RAP1GAP2: variants seen among roughly 807,000 people sequenced by gnomAD.
RAP1GAP2 encodes rap1 GTPase-activating protein 2.
A neutral mutation model predicts 95.0 loss-of-function variants in RAP1GAP2; 27 were observed. The observed-to-expected ratio is 0.28, with a 90% CI of 0.21 to 0.39. The LOEUF (loss-of-function observed/expected upper bound fraction) is 0.39, where lower values mean the gene tolerates loss of function less well. Among genes scored for constraint, RAP1GAP2 ranks in the 10% least tolerant of loss-of-function variants. The pLI, the probability that RAP1GAP2 is intolerant of heterozygous loss-of-function variation, is 1.00. For missense variants in RAP1GAP2, 771 were observed against 970.0 expected (o/e 0.79, Z 2.72); for synonymous variants, 373 against 380.9 (o/e 0.98, Z 0.24).
chr17:2,884,742 C>T (rs1330259703), intron 2 of RAP1GAP2, among the ~76,000 whole-genome samples: 1 of 152,144 alleles, frequency 6.6e-6, no homozygotes, highest in Non-Finnish European at 1.5e-5. Flanking sequence ...AGTCATTCAG[C>T]CTTTCCCAAG....
chr17:2,856,283 A>G (rs2072132037), intron 2 of RAP1GAP2, among the ~76,000 whole-genome samples: 1 of 152,122 alleles, frequency 6.6e-6, no homozygotes, highest in Non-Finnish European at 1.5e-5. Context: ...GGTGGAGAGG[A>G]AAAGCCCCCT....
intron 2 of RAP1GAP2, among the ~76,000 whole-genome samples, chr17:2,881,729 C>A (rs969807298): frequency 4.6e-5 from 7 of 152,130 alleles, no homozygotes; most frequent in Admixed American, 4.6e-4. Context: ...TACAGTTTCT[C>A]TGCATTCTTG....
At chr17:3,012,086 T>C (rs8074655) in intron 17 of RAP1GAP2, among the ~76,000 whole-genome samples, 137,805 of 152,190 alleles carry the variant, frequency 0.91, 62,534 homozygotes, top group Non-Finnish European at 0.93. Flanking sequence ...TTGCCCTGTG[T>C]TGTGCCGCCT....
At chr17:2,878,674 G>A (rs1396868021) in intron 2 of RAP1GAP2, among the ~76,000 whole-genome samples, 1 of 152,206 alleles carries the variant, frequency 6.6e-6, no homozygotes, top group African/African-American at 2.4e-5. Flanking sequence ...TGAAGGAGGC[G>A]GCAGCCTGTG....
chr17:2,918,900 T>C (rs928234017), intron 3 of RAP1GAP2, among the ~76,000 whole-genome samples: 1 of 152,162 alleles, frequency 6.6e-6, no homozygotes, highest in Non-Finnish European at 1.5e-5. Flanking sequence ...AACAGAGGTA[T>C]GCAGTAAGTG....
intron 8 of RAP1GAP2, among the ~76,000 whole-genome samples, chr17:2,975,453 A>G (rs1046107604): frequency 6.6e-6 from 1 of 152,230 alleles, no homozygotes; most frequent in Non-Finnish European, 1.5e-5. Context: ...ACGTTGGTAT[A>G]GCAATAGTAA....
chr17:2,770,342 G>A, exon 2 of RAP1GAP2: 1 of 398,676 alleles, frequency 2.5e-6, no homozygotes, highest in Non-Finnish European at 4.4e-6. Flanking sequence ...CGTGCAGGAA[G>A]GGCGGTTCCG....
At chr17:2,846,611 T>A (rs553300991) in intron 2 of RAP1GAP2, among the ~76,000 whole-genome samples, 1 of 152,018 alleles carries the variant, frequency 6.6e-6, no homozygotes, top group African/African-American at 2.4e-5. Flanking sequence ...GTGATGAACA[T>A]TGTCATGCAA....
intron 16 of RAP1GAP2, among the ~76,000 whole-genome samples, chr17:3,007,552 TG>T (rs1266759742): frequency 3.3e-5 from 5 of 152,166 alleles, no homozygotes; most frequent in African/African-American, 7.2e-5. Flanking sequence ...TTTGATGACA[TG>T]GTGGCCAAGT....
intron 3 of RAP1GAP2, among the ~76,000 whole-genome samples, chr17:2,950,058 C>CTTTT (rs1162303233): frequency 5.7e-4 from 58 of 101,370 alleles, no homozygotes; most frequent in East Asian, 1.6e-3. Flanking sequence ...TCTTCTTCTT[C>CTTTT]TTCTTTTTTT....
At chr17:2,785,862 G>GTGGTA (rs1178765599) in intron 1 of RAP1GAP2, among the ~76,000 whole-genome samples, 4 of 150,036 alleles carry the variant, frequency 2.7e-5, no homozygotes, top group African/African-American at 9.8e-5. Context: ...GAGGGAGACT[G>GTGGTA]TGGTATGGTA....
At chr17:2,849,328 C>A (rs746430743) in intron 2 of RAP1GAP2, among the ~76,000 whole-genome samples, 146 of 152,288 alleles carry the variant, frequency 9.6e-4, no homozygotes, top group Admixed American at 2.7e-3. Context: ...TTCTGCCCAG[C>A]AGTGGGGCGC....
intron 1 of RAP1GAP2, among the ~76,000 whole-genome samples, chr17:2,786,864 C>T (rs2068791212): frequency 2.0e-5 from 3 of 150,608 alleles, no homozygotes; most frequent in Non-Finnish European, 2.9e-5. Context: ...CAGGGCTGGT[C>T]TCAAACTCCT....
intron 2 of RAP1GAP2, among the ~76,000 whole-genome samples, chr17:2,900,413 T>TTC (rs2041988006): frequency 6.6e-6 from 1 of 152,140 alleles, no homozygotes; most frequent in Non-Finnish European, 1.5e-5. Context: ...ACTTCATGTT[T>TTC]TATGTCACAG....
intron 8 of RAP1GAP2, among the ~76,000 whole-genome samples, chr17:2,976,562 TAG>T (rs1242105496): frequency 6.6e-6 from 1 of 152,074 alleles, no homozygotes; most frequent in African/African-American, 2.4e-5. Context: ...AAGTGGTATT[TAG>T]AGAGAGATGT....
intron 2 of RAP1GAP2, among the ~76,000 whole-genome samples, chr17:2,898,791 C>G (rs1384781369): frequency 4.6e-5 from 7 of 152,218 alleles, no homozygotes; most frequent in Admixed American, 4.6e-4. Context: ...GTACCAGGCA[C>G]TGTGCTGAGT....
At position 2,963,413 on chromosome 17, in the gene RAP1GAP2, T is replaced by A; in HGVS notation, c.247-17T>A. The A allele has an allele frequency of 6.2e-7, 1 of 1,612,866 alleles. No individual in the cohort carries two copies. Among genetic ancestry groups the A allele is most frequent in the South Asian group, 1.1e-5 (1 of 91,054 alleles). On this transcript the variant is annotated splice_polypyrimidine_tract_variant and intron_variant, in intron 5 of 24. Transcript: ENST00000254695. The surrounding 1 kb of genome is among the most constrained non-coding windows in gnomAD (Gnocchi z 4.8). Reference sequence around the variant, plus strand: ...ACTGCCGGGACTAACGGTGGCATCATCTGGTTTGTCTTGCAGGACGACTAT... The same window carrying A: ...ACTGCCGGGACTAACGGTGGCATCAACTGGTTTGTCTTGCAGGACGACTAT...
intron 3 of RAP1GAP2, among the ~76,000 whole-genome samples, chr17:2,955,120 TCAA>T (rs2044063317): frequency 6.6e-6 from 1 of 152,230 alleles, no homozygotes; most frequent in Non-Finnish European, 1.5e-5. Flanking sequence ...GTACCTGCTT[TCAA>T]TTCTTTTGTG....
rs761719284 is a variant in RAP1GAP2 at position 2,981,178 on chromosome 17, T to C, written c.676-17T>C. On this transcript the variant is annotated splice_polypyrimidine_tract_variant and intron_variant, in intron 9 of 24. Transcript: ENST00000254695. ...ACAGATATCATCCCTGACCTGCGTC[T>C]TCTTCTCCCTTCTCAGGCTTTCTGT... is the stretch of plus-strand genomic sequence containing the variant. 1 of 1,583,940 alleles carries C rather than the reference T, an allele frequency of 6.3e-7. No homozygotes were observed. Among genetic ancestry groups the C allele is most frequent in the Admixed American group, 1.7e-5 (1 of 57,742 alleles).
Sources: allele counts gnomAD v4.1 joint callset (sites outside exome capture counted in the v4.1 genomes callset), GRCh38; gene constraint gnomAD v4.1.1; non-coding constraint Gnocchi (gnomAD v3.1); transcripts MANE v1.5; gene names NCBI Gene and HGNC (gene_info 2026-07-23, HGNC 2026-07-21).